RUFY3: variants seen among roughly 807,000 people sequenced by gnomAD.
The protein encoded by RUFY3 is RUN and FYVE domain containing 3, also known as protein RUFY3.
In RUFY3, 34 loss-of-function variants were observed where a neutral mutation model predicts 84.0. The observed-to-expected ratio is 0.40, with a 90% CI of 0.31 to 0.54. The LOEUF (loss-of-function observed/expected upper bound fraction) is 0.54. Ranked by LOEUF, RUFY3 falls within the 20% of genes least tolerant of loss-of-function variation. The pLI is 0.39. For missense variants in RUFY3, 507 were observed against 736.8 expected (o/e 0.69, Z 3.61); for synonymous variants, 242 against 252.9 (o/e 0.96, Z 0.41).
intron 1 of RUFY3, among the ~76,000 whole-genome samples, chr4:70,729,588 G>A (rs1036615600): frequency 6.6e-6 from 1 of 152,036 alleles, no homozygotes; most frequent in African/African-American, 2.4e-5. Flanking sequence ...GAATATTAAC[G>A]GTAACTACTT....
At chr4:70,775,299 A>G in intron 7 of RUFY3, 66 bp downstream of exon 7, 1 of 1,071,748 alleles carries the variant, frequency 9.3e-7, no homozygotes, top group Non-Finnish European at 1.4e-6. Context: ...GAGTAAGATG[A>G]TGCGCAGTGA....
chr4:70,801,211 G>A (rs1380646260), intron 15 of RUFY3, among the ~76,000 whole-genome samples: 2 of 151,242 alleles, frequency 1.3e-5, no homozygotes, highest in Non-Finnish European at 2.9e-5. Context: ...AGAGAAGGAA[G>A]GAACGAACCG....
At chr4:70,750,680 T>C (rs1442381485) in intron 1 of RUFY3, among the ~76,000 whole-genome samples, 1 of 152,174 alleles carries the variant, frequency 6.6e-6, no homozygotes, top group African/African-American at 2.4e-5. Context: ...TCTGTACCCA[T>C]TAATAACCAC....
intron 1 of RUFY3, among the ~76,000 whole-genome samples, chr4:70,736,278 A>T (rs527545790): frequency 1.9e-4 from 29 of 152,356 alleles, no homozygotes; most frequent in Middle Eastern, 3.4e-3. Flanking sequence ...AAGTCACAAG[A>T]TACAGAAAAG....
In RUFY3 at chr4:70,763,605, G is replaced by A. The variant is rs373334115; in HGVS notation, c.406G>A (p.Val136Ile). The A allele has an allele frequency of 1.9e-6, 3 of 1,613,410 alleles. No homozygotes were observed. The African/African-American group carries it at 4.0e-5, about 22-fold the overall frequency. ...NKSFWGPLEL[V>I]EKLVPEAAEI... ...ATCCTTCTGGGGGCCTCTAGAACTG[G>A]TAGAAAAGCTTGTTCCAGAAGCCGC... Residue 136 changes from valine (V) to isoleucine (I), a missense_variant, in exon 3 of 18, where the codon GTA (valine) becomes ATA (isoleucine). Val to Ile is a conservative substitution (Grantham distance 29, BLOSUM62 3). Transcript: ENST00000381006.
At chr4:70,797,647 A>C (rs1731698529) in intron 14 of RUFY3, among the ~76,000 whole-genome samples, 1 of 152,086 alleles carries the variant, frequency 6.6e-6, no homozygotes, top group Non-Finnish European at 1.5e-5. Context: ...GTTCAAGACC[A>C]GCCTGGACAA....
At chr4:70,759,035 CAA>C (rs57448558) in intron 1 of RUFY3, among the ~76,000 whole-genome samples, 3 of 139,990 alleles carry the variant, frequency 2.1e-5, no homozygotes, top group Non-Finnish European at 1.6e-5. Flanking sequence ...GACTCTGTCT[CAA>C]AAAAAAAAAA....
chr4:70,753,101 C>CTAT (rs1407921812), intron 1 of RUFY3, among the ~76,000 whole-genome samples: 1 of 151,996 alleles, frequency 6.6e-6, no homozygotes, highest in Non-Finnish European at 1.5e-5. Context: ...TTCAGATTTC[C>CTAT]TATTTCTTCT....
At chr4:70,770,441 C>T (rs1726759963) in intron 5 of RUFY3, among the ~76,000 whole-genome samples, 1 of 152,232 alleles carries the variant, frequency 6.6e-6, no homozygotes, top group Non-Finnish European at 1.5e-5. Flanking sequence ...CTATTATTTA[C>T]ATCAGTGCTT....
At chr4:70,743,569 G>A (rs1045350621) in intron 1 of RUFY3, among the ~76,000 whole-genome samples, 1 of 152,072 alleles carries the variant, frequency 6.6e-6, no homozygotes, top group Non-Finnish European at 1.5e-5. Context: ...TACTGTGAGA[G>A]TCAGACTCCT....
intron 1 of RUFY3, among the ~76,000 whole-genome samples, chr4:70,757,603 T>A (rs541995895): frequency 6.6e-6 from 1 of 152,278 alleles, no homozygotes; most frequent in Non-Finnish European, 1.5e-5. Flanking sequence ...AAACTCCATC[T>A]GAAAAATTAA....
At chr4:70,805,505 G>T (rs921077737) in intron 17 of RUFY3, among the ~76,000 whole-genome samples, 1 of 152,142 alleles carries the variant, frequency 6.6e-6, no homozygotes, top group Non-Finnish European at 1.5e-5. Flanking sequence ...CAGGAAACAG[G>T]CTCAAATTCT....
chr4:70,801,913 G>A (rs1226280257), intron 15 of RUFY3, among the ~76,000 whole-genome samples: 3 of 152,184 alleles, frequency 2.0e-5, no homozygotes. Context: ...ATTTACTTGA[G>A]CAACCAGGAG....
chr4:70,713,600 G>A (rs558448815), intron 1 of RUFY3, among the ~76,000 whole-genome samples: 168 of 152,316 alleles, frequency 1.1e-3, no homozygotes, highest in African/African-American at 3.9e-3. Context: ...ACCTTATGAT[G>A]TGTAGGAAAG....
Position 70,722,682 on chromosome 4 carries a change from G to A in RUFY3, c.109G>A (p.Gly37Arg). 1 of 1,614,062 alleles carries A rather than the reference G, an allele frequency of 6.2e-7. No individual in the cohort carries two copies. The highest frequency in any genetic ancestry group is 8.5e-7 in the Non-Finnish European group (1 of 1,180,002). The change falls in exon 1 of 18, where the codon GGA (glycine) becomes AGA (arginine). Residue 37 changes from glycine to arginine, a missense_variant. Around this residue, in one of 4 missense-constraint regions of RUFY3, gnomAD observed 133 missense variants for 301.1 expected, o/e 0.44. Coordinates refer to ENST00000381006, the MANE Select transcript of RUFY3 (RefSeq NM_001037442.4). Reference protein sequence around the residue: ...YLCKFRVSMDGEWLCLRELDD... With the variant: ...YLCKFRVSMDREWLCLRELDD... ...TTGCAAATTCCGAGTGTCCATGGAT[G>A]GAGAATGGCTCTGCCTGCGAGAGCT...
chr4:70,775,113 T>C (rs986870992), intron 6 of RUFY3, 55 bp from the exon 7 acceptor site: 11 of 1,354,366 alleles, frequency 8.1e-6, no homozygotes, highest in Non-Finnish European at 1.1e-5. Context: ...GGGGTTGGGA[T>C]CTTGGTATTT....
intron 1 of RUFY3, among the ~76,000 whole-genome samples, chr4:70,758,328 TAGC>T (rs1724387151): frequency 6.6e-6 from 1 of 152,194 alleles, no homozygotes; most frequent in Non-Finnish European, 1.5e-5. Flanking sequence ...TATTCATTAT[TAGC>T]AGCCAACATT....
chr4:70,721,219 G>A (rs1742244264), upstream of RUFY3, among the ~76,000 whole-genome samples: 2 of 151,982 alleles, frequency 1.3e-5, no homozygotes, highest in Admixed American at 1.3e-4. Context: ...GGCTGAGGCA[G>A]AGAATTGCTT....
At chr4:70,774,962 A>G (rs1373512224) in intron 6 of RUFY3, among the ~76,000 whole-genome samples, 1 of 152,000 alleles carries the variant, frequency 6.6e-6, no homozygotes, top group Non-Finnish European at 1.5e-5. Flanking sequence ...GAGCTTTATT[A>G]GTGAGGGGTT....
Sources: gnomAD v4.1 joint callset for allele counts (sites outside exome capture counted in the v4.1 genomes callset) on GRCh38, gnomAD v4.1.1 for gene constraint, gnomAD v4.1.1 regional missense constraint, MANE v1.5 for transcripts, NCBI Gene and HGNC (gene_info 2026-07-23, HGNC 2026-07-21) for gene names.